The following CIMAP1A variants were observed in gnomAD, a reference collection of about 807,000 sequenced individuals.
CIMAP1A encodes cancer/testis antigen 135.
chr11:198,796 G>A, the CIMAP1A span: 11 of 1,422,822 alleles, frequency 7.7e-6, no homozygotes, highest in Non-Finnish European at 8.2e-6. Context: ...CCTGGCCCCA[G>A]CATGGACCGT....
At chr11:199,662 T>TGGGTGGGGG in the CIMAP1A span, 1 of 227,658 alleles carries the variant, frequency 4.4e-6, no homozygotes. Context: ...GGTGGAGGGG[T>TGGGTGGGGG]GGGGTGGGGA....
chr11:197,354 G>C, the CIMAP1A span: 2 of 1,597,240 alleles, frequency 1.3e-6, no homozygotes, highest in Non-Finnish European at 8.5e-7. Context: ...CGCCCCCGGG[G>C]ACCCATCATG....
chr11:199,211 T>C, the CIMAP1A span: 5 of 1,447,008 alleles, frequency 3.5e-6, no homozygotes, highest in South Asian at 1.5e-5. Context: ...CAGTGGGGTG[T>C]GATCTCCACA....
chr11:197,792 G>C, the CIMAP1A span: 139 of 1,606,172 alleles, frequency 8.7e-5, 2 homozygotes, highest in South Asian at 1.5e-3. Flanking sequence ...CTCCTGCCCT[G>C]CGCAGCCTCA....
chr11:197,500 C>A, the CIMAP1A span: 1 of 1,594,350 alleles, frequency 6.3e-7, no homozygotes, highest in Non-Finnish European at 8.6e-7. Context: ...CAATCCCTGA[C>A]TCCCAGCGGG....
At chr11:197,255 C>A in the CIMAP1A span, 2 of 1,366,374 alleles carry the variant, frequency 1.5e-6, no homozygotes, top group Non-Finnish European at 2.0e-6. Flanking sequence ...TGGGACAGGG[C>A]CGGGCCTCCC....
chr11:198,058 C>T, the CIMAP1A span: 1 of 1,543,524 alleles, frequency 6.5e-7, no homozygotes, highest in Admixed American at 2.0e-5. Context: ...ATCCTGGACA[C>T]CCCCTGACCC....
At chr11:198,888 G>T in the CIMAP1A span, 3 of 1,267,342 alleles carry the variant, frequency 2.4e-6, no homozygotes, top group African/African-American at 4.6e-5. Context: ...GGAAAGAAGA[G>T]GAGGAGGAAA....
chr11:199,159 CTGAAA>C, the CIMAP1A span: 1 of 1,415,442 alleles, frequency 7.1e-7, no homozygotes, highest in Non-Finnish European at 9.2e-7. Flanking sequence ...CAGCGTGAGG[CTGAAA>C]TGGAGGAAGT....
the CIMAP1A span, chr11:198,649 C>G: frequency 1.3e-6 from 2 of 1,544,634 alleles, no homozygotes; most frequent in Admixed American, 3.8e-5. Flanking sequence ...CCCCCGGAAC[C>G]CAGGACCCAC....
At chr11:200,059 A>C in the CIMAP1A span, 55 of 1,600,374 alleles carry the variant, frequency 3.4e-5, no homozygotes, top group Admixed American at 2.5e-4. Flanking sequence ...GCCCCATCAC[A>C]CCCGGCATCT....
chr11:197,201 T>C, the CIMAP1A span: 1 of 758,330 alleles, frequency 1.3e-6, no homozygotes, highest in South Asian at 2.0e-5. Flanking sequence ...GGTCTTACCC[T>C]TCAGTGTCAG....
chr11:199,465 G>T, the CIMAP1A span: 3 of 1,562,466 alleles, frequency 1.9e-6, no homozygotes, highest in African/African-American at 1.4e-5. Flanking sequence ...GCCCCCAGGG[G>T]ACAAGACCCT....
chr11:198,571 G>A, the CIMAP1A span: 254 of 1,608,338 alleles, frequency 1.6e-4, no homozygotes, highest in Non-Finnish European at 2.0e-4. Flanking sequence ...CGGCTTCAGC[G>A]ACGACCTACA....
chr11:197,095 G>T, the CIMAP1A span: 6 of 476,204 alleles, frequency 1.3e-5, no homozygotes, highest in Non-Finnish European at 2.3e-5. Flanking sequence ...CAGTTAAGCT[G>T]GTGAGGAGCT....
chr11:199,572 G>A, the CIMAP1A span: 4 of 1,363,596 alleles, frequency 2.9e-6, no homozygotes, highest in South Asian at 2.5e-5. Flanking sequence ...AGAGGGATGT[G>A]TAGGAAAGAG....
the CIMAP1A span, chr11:199,159 C>A: frequency 1.4e-6 from 2 of 1,415,324 alleles, no homozygotes; most frequent in African/African-American, 2.9e-5. Flanking sequence ...CAGCGTGAGG[C>A]TGAAATGGAG....
At chr11:199,551 G>A in the CIMAP1A span, 1 of 1,539,966 alleles carries the variant, frequency 6.5e-7, no homozygotes, top group Non-Finnish European at 8.7e-7. Context: ...GGTGGGGCAG[G>A]GTCCTGGCCC....
the CIMAP1A span, chr11:197,868 T>C: frequency 6.7e-7 from 1 of 1,492,342 alleles, no homozygotes; most frequent in Non-Finnish European, 9.0e-7. Context: ...AGCTCAGCCA[T>C]CCTGGCCCCT....
Sources: allele counts gnomAD v4.1 joint callset, GRCh38; gene constraint gnomAD v4.1.1; transcripts MANE v1.5; gene names NCBI Gene and HGNC (gene_info 2026-07-23, HGNC 2026-07-21).